The following MIB1 variants were observed in gnomAD, a reference collection of about 807,000 sequenced individuals.
MIB1 encodes the protein E3 ubiquitin-protein ligase MIB1.
MIB1 carries 278 observed loss-of-function variants against 124.5 expected under a neutral mutation model. The observed-to-expected ratio is 2.23, with a 90% CI of 2.02 to 2.47. The LOEUF (loss-of-function observed/expected upper bound fraction) is 2.47, where lower values mean the gene tolerates loss of function less well. MIB1 is among the 30% of genes most tolerant of loss of function. The pLI is 0.00. For synonymous variants in MIB1, 446 were observed against 429.4 expected, an observed-to-expected ratio of 1.04 and a Z score of -0.48; for missense variants, 957 against 1,254.4, an observed-to-expected ratio of 0.76 and a Z score of 3.58.
At chr18:21,805,938 CT>C (rs1449445007) in intron 10 of MIB1, among the ~76,000 whole-genome samples, 1 of 147,914 alleles carries the variant, frequency 6.8e-6, no homozygotes, top group Non-Finnish European at 1.5e-5. Flanking sequence ...GAGTCTCCCC[CT>C]GTTGCCCAGG....
At chr18:21,844,066 C>A (rs780689200) in intron 14 of MIB1, 26 bp from the exon 15 acceptor site, 1 of 1,611,024 alleles carries the variant, frequency 6.2e-7, no homozygotes, top group Non-Finnish European at 8.5e-7. Context: ...GACACTTTGC[C>A]AAAATGAGAC....
chr18:21,844,018 C>T, intron 14 of MIB1, 74 bp from the exon 15 acceptor site: 2 of 1,453,008 alleles, frequency 1.4e-6, no homozygotes. Context: ...GGTGTTCTCA[C>T]CATTACTTTA....
rs1307647433 is a variant in MIB1, at chr18:21,867,350, C to T, written c.*2684C>T. 6.6e-6 allele frequency: 1 copy of T among 152,536 alleles called. No homozygotes were observed. The highest frequency in any genetic ancestry group is 6.6e-5 in the Admixed American group (1 of 15,252). 9.4% of individuals were successfully genotyped at this position (152,536 alleles called of 1,614,324 possible). A position where few individuals can be genotyped will look rare whatever the true frequency, so the allele number is the denominator to read the frequency against. On this transcript the variant is annotated 3_prime_UTR_variant, in exon 21 of 21. Transcript: ENST00000261537. ...TGTATCCCTCACCCTACCATTTTCT[C>T]CTTTATTCTTCTAAGATTGTTAGCG...
intron 1 of MIB1, among the ~76,000 whole-genome samples, chr18:21,721,926 C>G (rs1342337631): frequency 6.6e-6 from 1 of 152,098 alleles, no homozygotes; most frequent in African/African-American, 2.4e-5. Context: ...AACCAAACTC[C>G]AGACTTACTT....
intron 1 of MIB1, among the ~76,000 whole-genome samples, chr18:21,742,761 G>A (rs2146375396): frequency 6.6e-6 from 1 of 152,128 alleles, no homozygotes; most frequent in East Asian, 1.9e-4. Context: ...TTAAAATTGG[G>A]TACTTTTCAG....
chr18:21,781,366 TATATA>T (rs2041361094), intron 6 of MIB1, among the ~76,000 whole-genome samples: 1 of 1,136 alleles, frequency 8.8e-4, no homozygotes, highest in African/African-American at 4.2e-3. Context: ...CTGTTCAAGT[TATATA>T]TATATATATA....
intron 17 of MIB1, among the ~76,000 whole-genome samples, chr18:21,852,705 G>A (rs6508645): frequency 6.6e-6 from 1 of 152,184 alleles, no homozygotes; most frequent in African/African-American, 2.4e-5. Context: ...AAAATCCCTC[G>A]TGGATTTTAG....
chr18:21,719,570 C>T (rs1297212565), intron 1 of MIB1, among the ~76,000 whole-genome samples: 11 of 151,734 alleles, frequency 7.2e-5, no homozygotes, highest in Middle Eastern at 3.5e-3. Context: ...TCTCAGCCTC[C>T]GGAGTACCTG....
intron 20 of MIB1, among the ~76,000 whole-genome samples, chr18:21,859,485 A>T (rs1262426897): frequency 1.3e-5 from 2 of 151,918 alleles, no homozygotes; most frequent in Non-Finnish European, 2.9e-5. Flanking sequence ...TAGAGTCTGG[A>T]TGCTCTGTTT....
intron 13 of MIB1, among the ~76,000 whole-genome samples, chr18:21,840,892 G>T (rs2042082567): frequency 6.6e-6 from 1 of 151,712 alleles, no homozygotes; most frequent in Admixed American, 6.6e-5. Flanking sequence ...ACAATGAGGT[G>T]CACAAAGGTT....
At chr18:21,800,085 T>G (rs2041633864) in intron 9 of MIB1, 111 bp downstream of exon 9, 1 of 823,346 alleles carries the variant, frequency 1.2e-6, no homozygotes, top group Non-Finnish European at 1.8e-6. Flanking sequence ...TATTTCTTCT[T>G]TCTTGTTTTT....
chr18:21,757,415 G>A (rs2041045065), intron 1 of MIB1, among the ~76,000 whole-genome samples: 2 of 105,220 alleles, frequency 1.9e-5, no homozygotes, highest in Non-Finnish European at 1.7e-5. Context: ...TCATGCCACC[G>A]CTCTCCAGCC....
chr18:21,800,019 A>G, intron 9 of MIB1, 45 bp downstream of exon 9: 3 of 1,523,514 alleles, frequency 2.0e-6, no homozygotes, highest in South Asian at 2.3e-5. Flanking sequence ...AAAGTAGAAT[A>G]GTATAATGAA....
chr18:21,820,708 A>G lies in MIB1; in HGVS notation c.1829+1062A>G, dbSNP rs189353288. On this transcript the variant is annotated intron_variant, in intron 12 of 20. Transcript: ENST00000261537. Reference sequence around the variant, plus strand: ...GCACTTTCCACATGCCAGCCTCTGCAAAGTGCTTCACATGCATCATCTCAC... The same window carrying G: ...GCACTTTCCACATGCCAGCCTCTGCGAAGTGCTTCACATGCATCATCTCAC... 6.6e-5 allele frequency among the ~76,000 whole-genome samples: 10 copies of G among 152,362 alleles called. No homozygotes were observed. In the East Asian group the frequency reaches 1.9e-3, roughly 29 times the overall value.
At position 21,867,989 on chromosome 18, in the gene MIB1, T is replaced by TTA. The variant is rs1209564551; in HGVS notation, c.*3326_*3327dup. ...AGAGGATCATACAGATGTCATCAAA[T>TTA]TATAGGCTTTAATACAGGTTGCTTT... On this transcript the variant is annotated 3_prime_UTR_variant, in exon 21 of 21. Transcript: ENST00000261537. 1 of 152,056 alleles carries TTA rather than the reference T, an allele frequency of 6.6e-6. No homozygotes were observed. The highest frequency in any genetic ancestry group is 2.4e-5 in the African/African-American group (1 of 41,454). 9.4% of individuals were successfully genotyped at this position (152,056 alleles called of 1,614,324 possible).
intron 10 of MIB1, 117 bp from the exon 11 acceptor site, chr18:21,815,499 G>T: frequency 1.1e-6 from 1 of 870,490 alleles, no homozygotes. Flanking sequence ...TAGTTATTTT[G>T]TTGTTTCCTA....
rs2041438876 is a variant in MIB1, at chr18:21,786,626, A to T, written c.909-4748A>T. ...TCTCTATATCTTGTAGGCCTTCTCC[A>T]TTCCTTTTCATTCTTTTTTCTCTTC... On this transcript the variant is annotated intron_variant, in intron 6 of 20. Coordinates refer to ENST00000261537, the MANE Select transcript of MIB1 (RefSeq NM_020774.4). Among the ~76,000 whole-genome samples, 3 of 151,636 alleles carry T rather than the reference A, an allele frequency of 2.0e-5. 1 individual carries two copies. The South Asian group carries it at 6.3e-4, about 32-fold the overall frequency.
chr18:21,864,464 A>C, intron 20 of MIB1, 62 bp from the exon 21 acceptor site: 1 of 1,314,584 alleles, frequency 7.6e-7, no homozygotes, highest in Non-Finnish European at 1.1e-6. Context: ...ATGATATATA[A>C]CAGTCTGTCA....
At chr18:21,859,392 CA>C (rs55876332) in intron 20 of MIB1, among the ~76,000 whole-genome samples, 187 of 122,014 alleles carry the variant, frequency 1.5e-3, no homozygotes, top group East Asian at 4.5e-3. Flanking sequence ...GACCCCATCT[CA>C]AAAAAAAAAA....
Sources: gnomAD v4.1 joint callset for allele counts (sites outside exome capture counted in the v4.1 genomes callset) on GRCh38, gnomAD v4.1.1 for gene constraint, MANE v1.5 for transcripts, NCBI Gene and HGNC (gene_info 2026-07-23, HGNC 2026-07-21) for gene names.